The following CBL variants were observed in gnomAD, a reference collection of about 807,000 sequenced individuals.
The protein encoded by CBL is E3 ubiquitin-protein ligase CBL.
Under a neutral mutation model 96.9 loss-of-function variants are expected in CBL, and 45 were observed. That is an observed-to-expected ratio of 0.46 (90% CI 0.37 to 0.60). The LOEUF is 0.60. Ranked by LOEUF, CBL falls within the 20% of genes least tolerant of loss-of-function variation. The pLI is 0.00. For synonymous variants in CBL, 420 were observed against 426.8 expected (o/e 0.98, Z 0.20); for missense variants, 1,024 against 1,143.5 (o/e 0.90, Z 1.51).
rs142204771 is a variant in CBL, at chr11:119,217,751, A to G, written c.195+11139A>G. ...AAGATTTTAATTATGATGTTCTTCA[A>G]CTATGAAGGTAATACTTACTTTAAA... On this transcript the variant is annotated intron_variant, in intron 1 of 15. Transcript: ENST00000264033. 3.3e-5 allele frequency among the ~76,000 whole-genome samples: 5 copies of G among 152,200 alleles called. No individual in the cohort carries two copies. The East Asian group carries it at 9.6e-4, about 29-fold the overall frequency.
chr11:119,212,410 G>C (rs958655979), intron 1 of CBL, among the ~76,000 whole-genome samples: 1 of 151,490 alleles, frequency 6.6e-6, no homozygotes, highest in South Asian at 2.1e-4. Context: ...TGGATCACCT[G>C]AGGTCAGGAG....
Position 119,274,822 on chromosome 11 carries a change from G to A in CBL, c.748-10G>A. The A allele has an allele frequency of 6.3e-7, 1 of 1,581,068 alleles. No homozygotes were observed. The highest frequency in any genetic ancestry group is 8.6e-7 in the Non-Finnish European group (1 of 1,160,668). ...ACCTGAATAGTCTGTGATTGATCTT[G>A]TTTCTTTAGCCCTGGTCCTCTTTGC... On this transcript the variant is annotated splice_polypyrimidine_tract_variant and intron_variant, in intron 4 of 15. Transcript: ENST00000264033.
intron 2 of CBL, among the ~76,000 whole-genome samples, chr11:119,266,369 G>A (rs1949803583): frequency 2.0e-5 from 3 of 152,212 alleles, no homozygotes; most frequent in East Asian, 3.9e-4. Flanking sequence ...TTCACCTCCT[G>A]TCTTGCTTAA....
intron 13 of CBL, 134 bp from the exon 14 acceptor site, chr11:119,297,250 A>G: frequency 1.3e-6 from 1 of 794,120 alleles, no homozygotes; most frequent in South Asian, 1.4e-5. Flanking sequence ...AAACACATAC[A>G]CCTATAACTT....
intron 2 of CBL, among the ~76,000 whole-genome samples, chr11:119,243,433 T>C (rs376627606): frequency 5.3e-5 from 8 of 151,454 alleles, no homozygotes; most frequent in African/African-American, 1.9e-4. Context: ...ATTATAGGCA[T>C]GAACCACTGC....
intron 3 of CBL, among the ~76,000 whole-genome samples, chr11:119,272,743 T>C (rs1949858720): frequency 6.6e-6 from 1 of 152,172 alleles, no homozygotes; most frequent in Admixed American, 6.5e-5. Context: ...AGATTCTTAT[T>C]CTTACTTGCC....
At chr11:119,278,005 C>T (rs1223566861) in intron 7 of CBL, among the ~76,000 whole-genome samples, 161 bp downstream of exon 7, 1 of 152,110 alleles carries the variant, frequency 6.6e-6, no homozygotes, top group Non-Finnish European at 1.5e-5. Context: ...AAAATAGGAC[C>T]CAGACTAGAT....
At position 119,276,943 on chromosome 11, in the gene CBL, G is replaced by GCAGTT. The variant is rs536756272; in HGVS notation, c.1007+810_1008-809dup. On this transcript the variant is annotated intron_variant, in intron 6 of 15. Coordinates refer to ENST00000264033, the MANE Select transcript of CBL (RefSeq NM_005188.4). ...AAACCTTCTTTGATCAAAAGCAAAT[G>GCAGTT]CAGTTTAAACTAAGAAGTTAAGCCG... 7.2e-5 allele frequency among the ~76,000 whole-genome samples: 11 copies of GCAGTT among 152,240 alleles called. No homozygotes were observed. The South Asian group carries it at 2.3e-3, about 32-fold the overall frequency.
rs1950096326 is a variant in CBL, at chr11:119,300,765, G to A, written c.*984G>A. 2.5e-6 allele frequency: 1 copy of A among 392,276 alleles called. No homozygotes were observed. The highest frequency in any genetic ancestry group is 3.6e-5 in the East Asian group (1 of 27,738). 24.3% of individuals were successfully genotyped at this position (392,276 alleles called of 1,614,324 possible). A position where few individuals can be genotyped will look rare whatever the true frequency, so the allele number is the denominator to read the frequency against. Reference sequence around the variant, plus strand: ...CTTGGTGCCAGGTATGTGTTCTGATGTAGGTCATGAGTCTTTCTACTTAAT... The same window carrying A: ...CTTGGTGCCAGGTATGTGTTCTGATATAGGTCATGAGTCTTTCTACTTAAT... On this transcript the variant is annotated 3_prime_UTR_variant, in exon 16 of 16. Coordinates refer to ENST00000264033, the MANE Select transcript of CBL (RefSeq NM_005188.4).
At chr11:119,244,796 C>T (rs911804562) in intron 2 of CBL, among the ~76,000 whole-genome samples, 3 of 151,840 alleles carry the variant, frequency 2.0e-5, no homozygotes, top group Non-Finnish European at 4.4e-5. Context: ...AGCAATCCGC[C>T]CCACCTTACC....
At chr11:119,285,139 G>C (rs750448356) in intron 10 of CBL, 39 bp downstream of exon 10, 6 of 1,614,016 alleles carry the variant, frequency 3.7e-6, no homozygotes, top group Non-Finnish European at 5.1e-6. Flanking sequence ...TGGATTCTTT[G>C]CTGTGTACTA....
chr11:119,297,513 T>C (rs1454733886), intron 14 of CBL, 32 bp downstream of exon 14: 1 of 1,437,690 alleles, frequency 7.0e-7, no homozygotes, highest in African/African-American at 1.4e-5. Flanking sequence ...TTAAAAATCA[T>C]TGATATGTCA....
intron 9 of CBL, among the ~76,000 whole-genome samples, chr11:119,282,867 T>G (rs1194916764): frequency 1.3e-5 from 2 of 152,004 alleles, no homozygotes; most frequent in African/African-American, 4.8e-5. Flanking sequence ...GAGGATCACT[T>G]TAGCCCAGAG....
intron 2 of CBL, among the ~76,000 whole-genome samples, chr11:119,247,129 C>A (rs1030510316): frequency 6.6e-6 from 1 of 152,102 alleles, no homozygotes; most frequent in Non-Finnish European, 1.5e-5. Context: ...AACACTCTGC[C>A]AGTTATGCAA....
At chr11:119,277,271 A>ACACACACACG (rs1555229985) in intron 6 of CBL, among the ~76,000 whole-genome samples, 1 of 151,392 alleles carries the variant, frequency 6.6e-6, no homozygotes, top group Non-Finnish European at 1.5e-5. Context: ...ACACACACAC[A>ACACACACACG]TAAAGAATTT....
At chr11:119,244,581 A>ATTTTTT (rs532837579) in intron 2 of CBL, among the ~76,000 whole-genome samples, 14 of 104,384 alleles carry the variant, frequency 1.3e-4, no homozygotes, top group East Asian at 1.0e-3. Context: ...TGCCCGGCTA[A>ATTTTTT]TTTTTTTTTT....
intron 1 of CBL, among the ~76,000 whole-genome samples, chr11:119,209,737 T>C (rs60987157): frequency 0.015 from 2,302 of 152,350 alleles, 52 homozygotes; most frequent in African/African-American, 0.052. Flanking sequence ...AGCCAACTCT[T>C]AATCAGTTTA....
Position 119,277,864 on chromosome 11 carries a change from A to G in CBL, c.1095+20A>G. ...ACCCAGGTGAGTTTTGTTTCACATG[A>G]TAACCATATCACTGGACACAAGCTT... On this transcript the variant is annotated intron_variant, in intron 7 of 15. Coordinates refer to ENST00000264033, the MANE Select transcript of CBL (RefSeq NM_005188.4). 6.8e-7 allele frequency: 1 copy of G among 1,470,198 alleles called. No individual in the cohort carries two copies. The highest frequency in any genetic ancestry group is 9.5e-7 in the Non-Finnish European group (1 of 1,048,994). 91.1% of individuals were successfully genotyped at this position (1,470,198 alleles called of 1,614,324 possible).
chr11:119,305,666 A>G lies in CBL; in HGVS notation c.*5885A>G, dbSNP rs148553071. 6.7e-5 allele frequency: 15 copies of G among 224,806 alleles called. No individual in the cohort carries two copies. Among genetic ancestry groups the G allele is most frequent in the Admixed American group, 4.6e-4 (8 of 17,520 alleles). 13.9% of individuals were successfully genotyped at this position (224,806 alleles called of 1,614,324 possible). On this transcript the variant is annotated 3_prime_UTR_variant, in exon 16 of 16. Coordinates refer to ENST00000264033, the MANE Select transcript of CBL (RefSeq NM_005188.4). The stretch of plus-strand genomic sequence containing the variant: ...TTAAATATAGATTCCAGTTTAGGAT[A>G]GAGTTTTTACCGAGAGCTCTTTAGA...
Sources: allele counts gnomAD v4.1 joint callset (sites outside exome capture counted in the v4.1 genomes callset), GRCh38; gene constraint gnomAD v4.1.1; transcripts MANE v1.5; gene names NCBI Gene and HGNC (gene_info 2026-07-23, HGNC 2026-07-21).